RPLP0: variants seen among roughly 807,000 people sequenced by gnomAD.
RPLP0 encodes the protein large ribosomal subunit protein uL10.
For synonymous variants in RPLP0, 137 were observed against 153.4 expected, an observed-to-expected ratio of 0.89 and a Z score of 0.79; for missense variants, 276 against 402.9, an observed-to-expected ratio of 0.69 and a Z score of 2.70.
In RPLP0 at chr12:120,198,786, C is replaced by T. The variant is rs1232362002; in HGVS notation, c.466-47G>A. The T allele has an allele frequency of 6.2e-7, 1 of 1,609,900 alleles. No individual in the cohort carries two copies. The highest frequency in any genetic ancestry group is 1.7e-4 in the Middle Eastern group (1 of 6,058). On this transcript the variant is annotated intron_variant, in intron 5 of 7. Coordinates refer to ENST00000392514, the MANE Select transcript of RPLP0 (RefSeq NM_001002.4). This position sits in a 1 kb window ranked among gnomAD's most constrained non-coding sequence, Gnocchi z 4.1. ...CAGTAAACACCTGTTGGACAACCAGCAGATCCATGGCCACTAAAAGCAGCT... is the reference window on the plus strand; with the variant it reads ...CAGTAAACACCTGTTGGACAACCAGTAGATCCATGGCCACTAAAAGCAGCT...
chr12:120,200,868 G>A (rs1268002691), intron 1 of RPLP0, 37 bp from the exon 2 acceptor site: 4 of 1,543,358 alleles, frequency 2.6e-6, no homozygotes, highest in Non-Finnish European at 3.5e-6. Flanking sequence ...TGGTCACGCC[G>A]ACACCCATCC....
chr12:120,201,000 A>G, intron 1 of RPLP0, 83 bp downstream of exon 1: 1 of 707,680 alleles, frequency 1.4e-6, no homozygotes, highest in Non-Finnish European at 2.2e-6. Flanking sequence ...ACAGAATAGG[A>G]CTCCATGTTC....
At chr12:120,199,527 G>A (rs1252683677) in intron 2 of RPLP0, 42 bp from the exon 3 acceptor site, 4 of 1,585,816 alleles carry the variant, frequency 2.5e-6, no homozygotes, top group Admixed American at 1.8e-5. Context: ...AACAGGAAGA[G>A]AGAGGGAAAA....
chr12:120,196,708 A>G lies in RPLP0; in HGVS notation c.*65T>C, dbSNP rs1879194061. ...AAATTAAGAGTCCAGAGACTTTTTA[A>G]AGAAGTAAGCCTTTATTTCCTTGTT... is the stretch of plus-strand genomic sequence containing the variant. On this transcript the variant is annotated 3_prime_UTR_variant, in exon 8 of 8. Coordinates refer to ENST00000392514, the MANE Select transcript of RPLP0 (RefSeq NM_001002.4). 1.7e-5 allele frequency: 26 copies of G among 1,502,818 alleles called. No homozygotes were observed. Among genetic ancestry groups the G allele is most frequent in the Non-Finnish European group, 2.3e-5 (26 of 1,124,616 alleles). The allele number at this position is 1,502,818 out of a possible 1,614,324, so 93.1% of individuals were successfully genotyped here.
rs781105423 is a variant in RPLP0 at position 120,196,725 on chromosome 12, T to G, written c.*48A>C. The G allele has an allele frequency of 1.3e-6, 2 of 1,519,358 alleles. No individual in the cohort carries two copies. The highest frequency in any genetic ancestry group is 1.4e-5 in the African/African-American group (1 of 71,646). The allele number at this position is 1,519,358 out of a possible 1,614,324, so 94.1% of individuals were successfully genotyped here. On this transcript the variant is annotated 3_prime_UTR_variant, in exon 8 of 8. Transcript: ENST00000392514. ...ACTTTTTAAAGAAGTAAGCCTTTAT[T>G]TCCTTGTTTTGCAAATAAAACTGGC...
In RPLP0 at chr12:120,200,846, G is replaced by C; in HGVS notation, c.-48-15C>G. 1.3e-6 allele frequency: 2 copies of C among 1,583,642 alleles called. No individual in the cohort carries two copies. The highest frequency in any genetic ancestry group is 1.7e-6 in the Non-Finnish European group (2 of 1,165,856). On this transcript the variant is annotated splice_polypyrimidine_tract_variant and intron_variant, in intron 1 of 7. Transcript: ENST00000392514. ...AGACGATGTCACTGAGGAGAGACAGGGAGCTCAGGCCTGGTCACGCCGACA... is the reference window on the plus strand; with the variant it reads ...AGACGATGTCACTGAGGAGAGACAGCGAGCTCAGGCCTGGTCACGCCGACA...
At position 120,198,176 on chromosome 12, in the gene RPLP0, C is replaced by T. The variant is rs1421512786; in HGVS notation, c.651+378G>A. ...TTGGGAGGCCGAGTTGGGCGGATCA[C>T]GAGGTCAGGAGATCGACACCATCCT... On this transcript the variant is annotated intron_variant, in intron 6 of 7. Coordinates refer to ENST00000392514, the MANE Select transcript of RPLP0 (RefSeq NM_001002.4). The surrounding 1 kb of genome is among the most constrained non-coding windows in gnomAD (Gnocchi z 4.1). Among the ~76,000 whole-genome samples the T allele has an allele frequency of 1.3e-5, 2 of 151,936 alleles. No homozygotes were observed. The highest frequency in any genetic ancestry group is 3.2e-3 in the Middle Eastern group (1 of 316).
chr12:120,197,051 C>A (rs1307114766), intron 7 of RPLP0, 117 bp from the exon 8 acceptor site: 30 of 1,532,950 alleles, frequency 2.0e-5, no homozygotes, highest in African/African-American at 2.7e-5. Context: ...GAAGCCTTTC[C>A]TGTCAGAAGC....
chr12:120,198,529 A>G lies in RPLP0; in HGVS notation c.651+25T>C, dbSNP rs772044011. The G allele has an allele frequency of 1.2e-6, 2 of 1,613,742 alleles. No individual in the cohort carries two copies. The highest frequency in any genetic ancestry group is 2.7e-5 in the African/African-American group (2 of 74,904). On this transcript the variant is annotated intron_variant, in intron 6 of 7. Coordinates refer to ENST00000392514, the MANE Select transcript of RPLP0 (RefSeq NM_001002.4). The surrounding 1 kb of genome is among the most constrained non-coding windows in gnomAD (Gnocchi z 4.1). ...TCATGCTCTCAACCATCAGTGTAAGAGGGGGCAAGGCTGACAGCATATACC... is the reference window on the plus strand; with the variant it reads ...TCATGCTCTCAACCATCAGTGTAAGGGGGGGCAAGGCTGACAGCATATACC...
In RPLP0 at chr12:120,197,580, AAG is replaced by A. The variant is rs1879231540; in HGVS notation, c.652-120_652-119del. 3.4e-6 allele frequency: 4 copies of A among 1,177,242 alleles called. No individual in the cohort carries two copies. The East Asian group carries it at 1.0e-4, about 30-fold the overall frequency. The allele number at this position is 1,177,242 out of a possible 1,614,324, so 72.9% of individuals were successfully genotyped here. A position where few individuals can be genotyped will look rare whatever the true frequency, so the allele number is the denominator to read the frequency against. On this transcript the variant is annotated intron_variant, in intron 6 of 7. Transcript: ENST00000392514. Reference sequence around the variant, plus strand: ...ATTGCCAGGTTGGCAGCTCAGTCTCAAGAGAGGCCATTTCATCTCATACCAAA... The same window carrying A: ...ATTGCCAGGTTGGCAGCTCAGTCTCAAGAGGCCATTTCATCTCATACCAAA...
chr12:120,201,044 G>C, intron 1 of RPLP0, 39 bp downstream of exon 1: 1 of 462,752 alleles, frequency 2.2e-6, no homozygotes, highest in Non-Finnish European at 3.7e-6. Flanking sequence ...CATGCTTCCC[G>C]CCGGCGACCC....
At chr12:120,200,150 C>G (rs141410004) in intron 2 of RPLP0, 1 of 455,542 alleles carries the variant, frequency 2.2e-6, no homozygotes, top group Admixed American at 2.4e-5. Flanking sequence ...TGACCTCAGA[C>G]CTTCTCAAAA....
rs998298940 is a variant in RPLP0 at position 120,197,036 on chromosome 12, C to A, written c.793-102G>T. 5 of 1,559,230 alleles carry A rather than the reference C, an allele frequency of 3.2e-6. No individual in the cohort carries two copies. In the African/African-American group the frequency reaches 5.4e-5, roughly 17 times the overall value. ...TTTAAGGACCAACAATATCAAAGTC[C>A]GTGTGAAGCCTTTCCTGTCAGAAGC... On this transcript the variant is annotated intron_variant, in intron 7 of 7. Transcript: ENST00000392514.
At position 120,199,118 on chromosome 12, in the gene RPLP0, C is replaced by G; in HGVS notation, c.318G>C (p.Lys106Asn). 2 of 1,613,050 alleles carry G rather than the reference C, an allele frequency of 1.2e-6. No individual in the cohort carries two copies. The highest frequency in any genetic ancestry group is 1.7e-6 in the Non-Finnish European group (2 of 1,178,962). Residue 106 changes from lysine to asparagine, a missense_variant and splice_region_variant, in exon 4 of 8, where the codon AAG (lysine) becomes AAC (asparagine). Physicochemically the swap from Lys to Asn is moderately conservative, Grantham distance 94. Transcript: ENST00000392514. ...TTAGCCAACCCAATTGTCCCCTTAC[C>G]TTATTGGCCAGCAACATGTCCCTGA... is the stretch of plus-strand genomic sequence containing the variant. ...TEIRDMLLAN[K>N]VPAAARAGAI...
intron 2 of RPLP0, chr12:120,200,117 G>A (rs533663745): frequency 4.4e-6 from 2 of 456,030 alleles, no homozygotes; most frequent in Non-Finnish European, 8.8e-6. Flanking sequence ...GCAACAGCTT[G>A]CTTCCTTACA....
At chr12:120,199,942 A>C (rs1368777391) in intron 2 of RPLP0, 10 of 435,060 alleles carry the variant, frequency 2.3e-5, no homozygotes, top group Non-Finnish European at 3.7e-5. Context: ...TTTGTGTCTG[A>C]AAACCTTCTA....
At position 120,198,493 on chromosome 12, in the gene RPLP0, T is replaced by C. The variant is rs2136126275; in HGVS notation, c.651+61A>G. On this transcript the variant is annotated intron_variant, in intron 6 of 7. Coordinates refer to ENST00000392514, the MANE Select transcript of RPLP0 (RefSeq NM_001002.4). This position sits in a 1 kb window ranked among gnomAD's most constrained non-coding sequence, Gnocchi z 4.1. Reference sequence around the variant, plus strand: ...ACAGTCCTTGGTTACAGGGACTCAGTCTGAACCTTGTCATGCTCTCAACCA... The same window carrying C: ...ACAGTCCTTGGTTACAGGGACTCAGCCTGAACCTTGTCATGCTCTCAACCA... 6.3e-7 allele frequency: 1 copy of C among 1,591,422 alleles called. No homozygotes were observed. The highest frequency in any genetic ancestry group is 2.2e-5 in the East Asian group (1 of 44,712).
chr12:120,200,855 G>A (rs781520240), intron 1 of RPLP0, 24 bp from the exon 2 acceptor site: 19 of 1,562,282 alleles, frequency 1.2e-5, no homozygotes, highest in African/African-American at 5.4e-5. Flanking sequence ...GGGAGCTCAG[G>A]CCTGGTCACG....
intron 2 of RPLP0, 67 bp downstream of exon 2, chr12:120,200,663 A>G: frequency 6.4e-7 from 1 of 1,554,912 alleles, no homozygotes; most frequent in Non-Finnish European, 8.7e-7. Context: ...CTCAGCACAT[A>G]GCAGCTGACT....
Sources: gnomAD v4.1 joint callset for allele counts (sites outside exome capture counted in the v4.1 genomes callset) on GRCh38, gnomAD v4.1.1 for gene constraint, Gnocchi (gnomAD v3.1) non-coding constraint, MANE v1.5 for transcripts, NCBI Gene and HGNC (gene_info 2026-07-23, HGNC 2026-07-21) for gene names.